Variants in FHIT observed in about 807,000 individuals in gnomAD.
The protein encoded by FHIT is fragile histidine triad diadenosine triphosphatase.
In FHIT, 19 loss-of-function variants were observed where a neutral mutation model predicts 17.9. That is an observed-to-expected ratio of 1.06 (90% CI 0.74 to 1.56). FHIT has a LOEUF of 1.56. Among genes scored for constraint, FHIT ranks in the 40% most tolerant of loss-of-function variants. The probability of loss-of-function intolerance (pLI) is 0.00; values close to 1 mark genes in which losing one functional copy is unlikely to be tolerated. For missense variants in FHIT, 248 were observed against 189.2 expected (o/e 1.31, Z -1.82); for synonymous variants, 81 against 69.7 (o/e 1.16, Z -0.81).
chr3:59,986,467 A>G lies in FHIT; in HGVS notation c.279+24904T>C, dbSNP rs1708906327. ...TGTGATTGGATCTCCCTTGGACTCC[A>G]AAGGGCTCTGGGTATGAGAAAGTAG... On this transcript the variant is annotated intron_variant, in intron 7 of 9. Coordinates refer to ENST00000492590, the MANE Select transcript of FHIT (RefSeq NM_002012.4). Among the ~76,000 whole-genome samples the G allele has an allele frequency of 1.4e-5, 2 of 141,538 alleles. 1 individual carries two copies. Among genetic ancestry groups the G allele is most frequent in the South Asian group, 4.4e-4 (2 of 4,560 alleles). The allele number at this position is 141,538 out of a possible 152,430, so 92.9% of individuals were successfully genotyped here.
At chr3:60,155,401 C>T (rs149496483) in intron 5 of FHIT, among the ~76,000 whole-genome samples, 8 of 152,228 alleles carry the variant, frequency 5.3e-5, no homozygotes, top group Non-Finnish European at 8.8e-5. Flanking sequence ...TCATTTTCTC[C>T]CCAACTACCC....
chr3:60,540,575 G>A (rs1238866513), intron 4 of FHIT, among the ~76,000 whole-genome samples: 3 of 152,198 alleles, frequency 2.0e-5, no homozygotes, highest in African/African-American at 4.8e-5. Context: ...TGGGGGGAAA[G>A]AAACCCCACA....
chr3:60,736,971 A>G (rs2042146154), intron 4 of FHIT, among the ~76,000 whole-genome samples: 1 of 152,242 alleles, frequency 6.6e-6, no homozygotes, highest in Non-Finnish European at 1.5e-5. Flanking sequence ...AGGCCTCAGC[A>G]AGTGCTAAGA....
chr3:60,146,261 G>A (rs1175523634), intron 5 of FHIT, among the ~76,000 whole-genome samples: 1 of 120,702 alleles, frequency 8.3e-6, no homozygotes, highest in Non-Finnish European at 1.8e-5. Flanking sequence ...AAAAAAAAAA[G>A]GGCAGGGGGT....
intron 5 of FHIT, among the ~76,000 whole-genome samples, chr3:60,402,064 G>C (rs555857014): frequency 6.6e-6 from 1 of 152,082 alleles, no homozygotes; most frequent in Non-Finnish European, 1.5e-5. Flanking sequence ...GTCTTATTAA[G>C]GGGCTATTGT....
rs573141564 is a variant in FHIT, at chr3:60,229,789, G to T, written c.104-215637C>A. ...ATGGCCAGGCATTGAAGACTGGCCT[G>T]GGAAATAAAGCAAGTCCATATCTCT... is the stretch of plus-strand genomic sequence containing the variant. On this transcript the variant is annotated intron_variant, in intron 5 of 9. Transcript: ENST00000492590. Among the ~76,000 whole-genome samples the T allele has an allele frequency of 3.3e-5, 5 of 152,250 alleles. No individual in the cohort carries two copies. In the East Asian group the frequency reaches 7.7e-4, roughly 24 times the overall value.
At chr3:60,367,729 T>G (rs183446386) in intron 5 of FHIT, among the ~76,000 whole-genome samples, 1 of 152,142 alleles carries the variant, frequency 6.6e-6, no homozygotes, top group African/African-American at 2.4e-5. Context: ...GTGGATGAAT[T>G]TTAACAAATG....
chr3:60,553,663 A>G (rs1181844109), intron 4 of FHIT, among the ~76,000 whole-genome samples: 1 of 151,672 alleles, frequency 6.6e-6, no homozygotes, highest in Non-Finnish European at 1.5e-5. Flanking sequence ...ACATGGTATC[A>G]TATTTACAAA....
intron 4 of FHIT, among the ~76,000 whole-genome samples, chr3:60,740,324 G>A (rs1466985598): frequency 6.6e-6 from 1 of 152,022 alleles, no homozygotes; most frequent in African/African-American, 2.4e-5. Flanking sequence ...GTGACCCCTG[G>A]CAATTCATTA....
chr3:60,842,752 T>C (rs1326566759), intron 3 of FHIT, among the ~76,000 whole-genome samples: 1 of 150,808 alleles, frequency 6.6e-6, no homozygotes, highest in African/African-American at 2.4e-5. Context: ...GTGGGCAAGA[T>C]ATCTAAAGGA....
rs1286653083 is a variant in FHIT at position 60,029,875 on chromosome 3, A to G, written c.104-15723T>C. 2.3e-4 allele frequency among the ~76,000 whole-genome samples: 9 copies of G among 38,844 alleles called. No homozygotes were observed. In the East Asian group the frequency reaches 0.015, roughly 66 times the overall value. The allele number at this position is 38,844 out of a possible 152,430, so 25.5% of individuals were successfully genotyped here. On this transcript the variant is annotated intron_variant, in intron 5 of 9. Coordinates refer to ENST00000492590, the MANE Select transcript of FHIT (RefSeq NM_002012.4). ...GTTGTTGGGCAGATGTCCTCATAGA[A>G]GCATTGTGTGTGTGTGTGTGTCTGT... is the stretch of plus-strand genomic sequence containing the variant.
intron 7 of FHIT, among the ~76,000 whole-genome samples, chr3:59,950,634 G>A (rs554361532): frequency 2.0e-5 from 3 of 152,230 alleles, no homozygotes; most frequent in Admixed American, 6.5e-5. Flanking sequence ...ACCAGAATCA[G>A]GAGCAGTAAA....
chr3:60,963,722 C>T (rs1709574624), intron 3 of FHIT, among the ~76,000 whole-genome samples: 1 of 151,148 alleles, frequency 6.6e-6, no homozygotes, highest in African/African-American at 2.4e-5. Context: ...TGTTCAGTTT[C>T]CATGCATTTG....
intron 3 of FHIT, among the ~76,000 whole-genome samples, chr3:60,946,209 C>A (rs1233375890): frequency 2.0e-5 from 3 of 152,130 alleles, no homozygotes; most frequent in African/African-American, 7.2e-5. Flanking sequence ...AGTAGAGATG[C>A]TAATGTCACC....
intron 7 of FHIT, among the ~76,000 whole-genome samples, chr3:59,937,104 T>A (rs567692423): frequency 3.9e-5 from 6 of 152,358 alleles, no homozygotes; most frequent in Admixed American, 1.3e-4. Context: ...CACATTATTT[T>A]CAGTGTGTTA....
At chr3:60,648,817 G>A (rs184287686) in intron 4 of FHIT, among the ~76,000 whole-genome samples, 1 of 152,106 alleles carries the variant, frequency 6.6e-6, no homozygotes, top group Non-Finnish European at 1.5e-5. Flanking sequence ...TTAAGCCAGA[G>A]ACTCCCTTCT....
intron 8 of FHIT, among the ~76,000 whole-genome samples, chr3:59,790,956 G>T (rs1343858800): frequency 6.6e-6 from 1 of 152,180 alleles, no homozygotes; most frequent in African/African-American, 2.4e-5. Flanking sequence ...CTGTACTATT[G>T]TTGAACTTCT....
intron 4 of FHIT, among the ~76,000 whole-genome samples, chr3:60,821,233 C>T (rs1035904310): frequency 6.6e-5 from 10 of 152,240 alleles, no homozygotes; most frequent in Admixed American, 1.3e-4. Context: ...ACCTCGGCCT[C>T]CCAAAGTGCT....
intron 2 of FHIT, among the ~76,000 whole-genome samples, chr3:61,155,191 T>C (rs1484546636): frequency 3.9e-5 from 6 of 152,180 alleles, no homozygotes; most frequent in Non-Finnish European, 8.8e-5. Context: ...TCTTTGGATA[T>C]TCAAAGTCCC....
Sources: allele counts gnomAD v4.1 joint callset (sites outside exome capture counted in the v4.1 genomes callset), GRCh38; gene constraint gnomAD v4.1.1; transcripts MANE v1.5; gene names NCBI Gene and HGNC (gene_info 2026-07-23, HGNC 2026-07-21).